ASIC2: variants seen among roughly 807,000 people sequenced by gnomAD.
ASIC2 encodes acid-sensing ion channel 2.
In ASIC2, 25 loss-of-function variants were observed where a neutral mutation model predicts 57.3. That is an observed-to-expected ratio of 0.44 (90% CI 0.32 to 0.61). ASIC2 has a LOEUF of 0.61. Among genes scored for constraint, ASIC2 ranks in the 20% least tolerant of loss-of-function variants. The pLI, the probability that ASIC2 is intolerant of heterozygous loss-of-function variation, is 0.06. For missense variants in ASIC2, 641 were observed against 738.1 expected, an observed-to-expected ratio of 0.87 and a Z score of 1.52; for synonymous variants, 319 against 307.5, an observed-to-expected ratio of 1.04 and a Z score of -0.39.
At chr17:33,307,106 G>A (rs1278377285) in intron 1 of ASIC2, among the ~76,000 whole-genome samples, 2 of 152,048 alleles carry the variant, frequency 1.3e-5, no homozygotes, top group Non-Finnish European at 2.9e-5. Context: ...CCCTACAAAC[G>A]CTTTGCCTCA....
chr17:33,521,311 AG>A (rs1273948037), intron 1 of ASIC2, among the ~76,000 whole-genome samples: 2 of 152,122 alleles, frequency 1.3e-5, no homozygotes, highest in African/African-American at 4.8e-5. Flanking sequence ...TTGGCTCTGC[AG>A]GGGGAGGTGG....
intron 1 of ASIC2, among the ~76,000 whole-genome samples, chr17:34,029,824 G>A (rs901269974): frequency 1.3e-5 from 2 of 152,168 alleles, no homozygotes; most frequent in Admixed American, 1.3e-4. Context: ...TGTTGTTTAA[G>A]CCACCTGTCT....
intron 1 of ASIC2, among the ~76,000 whole-genome samples, chr17:33,169,648 A>T (rs114374012): frequency 0.024 from 3,702 of 152,314 alleles, 145 homozygotes; most frequent in African/African-American, 0.085. Flanking sequence ...CCAGAGGTAC[A>T]TTGAAGATCC....
At chr17:33,689,611 T>C (rs1597836449) in intron 1 of ASIC2, among the ~76,000 whole-genome samples, 1 of 151,926 alleles carries the variant, frequency 6.6e-6, no homozygotes. Context: ...TTGAGATGAT[T>C]CCCCCTCACC....
At chr17:33,492,412 A>C (rs775245817) in intron 1 of ASIC2, among the ~76,000 whole-genome samples, 23 of 152,200 alleles carry the variant, frequency 1.5e-4, no homozygotes, top group Non-Finnish European at 2.8e-4. Flanking sequence ...TGGAGATGTG[A>C]AGATTCTAAG....
intron 1 of ASIC2, among the ~76,000 whole-genome samples, chr17:33,246,220 T>G: frequency 1.3e-5 from 2 of 148,948 alleles, no homozygotes; most frequent in African/African-American, 5.0e-5. Context: ...GGGGATAAGA[T>G]GTGGTGGTGG....
At chr17:33,471,092 T>G (rs1913036062) in intron 1 of ASIC2, among the ~76,000 whole-genome samples, 1 of 152,234 alleles carries the variant, frequency 6.6e-6, no homozygotes, top group South Asian at 2.1e-4. Context: ...GCATGTTCTG[T>G]GTAATTCTCT....
chr17:33,788,819 C>T (rs1911681449), intron 1 of ASIC2, among the ~76,000 whole-genome samples: 1 of 152,116 alleles, frequency 6.6e-6, no homozygotes, highest in Admixed American at 6.5e-5. Flanking sequence ...CCAAACATTG[C>T]ATGTTCTCAC....
intron 2 of ASIC2, among the ~76,000 whole-genome samples, chr17:33,094,020 T>C (rs999270969): frequency 2.6e-5 from 4 of 152,084 alleles, no homozygotes; most frequent in Non-Finnish European, 4.4e-5. Context: ...GGTGGGACAA[T>C]GGCCAGCCAT....
intron 1 of ASIC2, among the ~76,000 whole-genome samples, chr17:33,621,690 G>A (rs1008197621): frequency 2.6e-5 from 4 of 152,262 alleles, no homozygotes; most frequent in Non-Finnish European, 4.4e-5. Context: ...TTTCTCCTGC[G>A]GTTTTCTGAA....
rs73986704 is a variant in ASIC2 at position 33,781,499 on chromosome 17, C to T, written c.555+374479G>A. 7.9e-4 allele frequency among the ~76,000 whole-genome samples: 120 copies of T among 152,280 alleles called. 2 individuals are homozygous for T. The highest frequency in any genetic ancestry group is 2.8e-3 in the African/African-American group (117 of 41,564). ...GTGAGGTAGGGTGAACAGTCACTTC[C>T]ATCGAGCCCATTCACCAAAAGTGGA... On this transcript the variant is annotated intron_variant, in intron 1 of 9. Transcript: ENST00000359872.
intron 6 of ASIC2, among the ~76,000 whole-genome samples, chr17:33,023,340 A>G (rs2091845531): frequency 6.6e-6 from 1 of 152,038 alleles, no homozygotes; most frequent in Non-Finnish European, 1.5e-5. Flanking sequence ...ATACAAAAAA[A>G]TTAGCTGGGC....
chr17:33,994,953 TGATTTCAACTTTTCACATATA>T (rs1409821043), intron 1 of ASIC2, among the ~76,000 whole-genome samples: 1 of 152,198 alleles, frequency 6.6e-6, no homozygotes, highest in Non-Finnish European at 1.5e-5. Context: ...TCTATATGTA[TGATTTCAACTTTTCACATATA>T]GACCCTTCCT....
intron 1 of ASIC2, among the ~76,000 whole-genome samples, chr17:33,798,658 C>T (rs1911992081): frequency 6.6e-6 from 1 of 152,162 alleles, no homozygotes; most frequent in South Asian, 2.1e-4. Context: ...CAGGAATGTG[C>T]TGCAGGCTGT....
intron 1 of ASIC2, among the ~76,000 whole-genome samples, chr17:33,359,948 TA>T (rs1171865876): frequency 1.3e-5 from 2 of 152,196 alleles, no homozygotes; most frequent in Non-Finnish European, 2.9e-5. Flanking sequence ...TTATATTCTA[TA>T]AAAATAACTT....
chr17:33,579,767 G>GAAGAGCAA (rs1567658642), intron 1 of ASIC2, among the ~76,000 whole-genome samples: 1 of 152,164 alleles, frequency 6.6e-6, no homozygotes, highest in African/African-American at 2.4e-5. Context: ...AACTCATTCA[G>GAAGAGCAA]AAGAGCAAAA....
chr17:33,212,180 G>A (rs1183626437), intron 1 of ASIC2, among the ~76,000 whole-genome samples: 1 of 152,194 alleles, frequency 6.6e-6, no homozygotes, highest in Non-Finnish European at 1.5e-5. Flanking sequence ...CCCTGAAATC[G>A]TGAATATTAC....
chr17:33,827,547 T>C (rs1912968299), intron 1 of ASIC2, among the ~76,000 whole-genome samples: 1 of 150,516 alleles, frequency 6.6e-6, no homozygotes, highest in Middle Eastern at 3.4e-3. Context: ...GGTTTCACCA[T>C]GTTAGCCAGG....
intron 1 of ASIC2, among the ~76,000 whole-genome samples, chr17:33,515,975 T>C (rs1914553132): frequency 6.6e-6 from 1 of 152,054 alleles, no homozygotes; most frequent in Non-Finnish European, 1.5e-5. Flanking sequence ...TGTGCGCCTG[T>C]AGTCCCAGCT....
Sources: gnomAD v4.1 joint callset for allele counts (sites outside exome capture counted in the v4.1 genomes callset) on GRCh38, gnomAD v4.1.1 for gene constraint, MANE v1.5 for transcripts, NCBI Gene and HGNC (gene_info 2026-07-23, HGNC 2026-07-21) for gene names.